Variants in NKAIN2 observed in about 807,000 individuals in gnomAD.
NKAIN2 encodes the protein sodium/potassium-transporting ATPase subunit beta-1-interacting protein 2.
Under a neutral mutation model 32.6 loss-of-function variants are expected in NKAIN2, and 14 were observed. The ratio of observed to expected loss-of-function variants is 0.43; its 90% CI spans 0.28 to 0.67. The LOEUF (loss-of-function observed/expected upper bound fraction) is 0.67. Among genes scored for constraint, NKAIN2 ranks in the 30% least tolerant of loss-of-function variants. The pLI, the probability that NKAIN2 is intolerant of heterozygous loss-of-function variation, is 0.17. For synonymous variants in NKAIN2, 80 were observed against 87.2 expected, an observed-to-expected ratio of 0.92 and a Z score of 0.46; for missense variants, 198 against 258.3, an observed-to-expected ratio of 0.77 and a Z score of 1.60.
chr6:124,310,479 CT>C, intron 2 of NKAIN2, among the ~76,000 whole-genome samples: 2 of 150,836 alleles, frequency 1.3e-5, no homozygotes, highest in African/African-American at 4.9e-5. Flanking sequence ...ATTTTTTTTT[CT>C]TTTTTTATGT....
At chr6:124,703,280 A>C (rs1008371855) in intron 4 of NKAIN2, among the ~76,000 whole-genome samples, 3 of 152,000 alleles carry the variant, frequency 2.0e-5, no homozygotes, top group African/African-American at 4.8e-5. Flanking sequence ...AAGGAAAAAA[A>C]AACAACAAAA....
intron 1 of NKAIN2, among the ~76,000 whole-genome samples, chr6:124,145,501 GTTTT>G (rs1347201856): frequency 1.3e-5 from 2 of 151,350 alleles, no homozygotes; most frequent in Non-Finnish European, 3.0e-5. Context: ...TTTTGTTTTT[GTTTT>G]TGTTTTTGTT....
intron 1 of NKAIN2, among the ~76,000 whole-genome samples, chr6:124,256,591 A>G (rs1793943140): frequency 6.6e-6 from 1 of 152,230 alleles, no homozygotes; most frequent in African/African-American, 2.4e-5. Flanking sequence ...GATTAAGAGT[A>G]GATAAGTCTT....
At chr6:124,279,510 CAAAAAA>C (rs10545991) in intron 1 of NKAIN2, among the ~76,000 whole-genome samples, 2 of 78,708 alleles carry the variant, frequency 2.5e-5, no homozygotes, top group Admixed American at 1.4e-4. Context: ...GATTCCATCT[CAAAAAA>C]AAAAAAAAAA....
intron 1 of NKAIN2, among the ~76,000 whole-genome samples, chr6:123,864,037 A>C (rs555067195): frequency 1.1e-4 from 17 of 152,286 alleles, no homozygotes; most frequent in African/African-American, 3.6e-4. Flanking sequence ...GACAGATACT[A>C]CTACTTCCTC....
In NKAIN2 at chr6:124,777,975, A is replaced by AC. The variant is rs55653018; in HGVS notation, c.475-13364_475-13363insC. ...CACACACACACACACACACACACAC[A>AC]AACACACACACATGTACACAGAGAT... On this transcript the variant is annotated intron_variant, in intron 4 of 6. Coordinates refer to ENST00000368417, the MANE Select transcript of NKAIN2 (RefSeq NM_001040214.3). Among the ~76,000 whole-genome samples, 102 of 151,482 alleles carry AC rather than the reference A, an allele frequency of 6.7e-4. 1 individual carries two copies. The highest frequency in any genetic ancestry group is 2.1e-3 in the African/African-American group (88 of 41,258).
chr6:124,635,519 C>T lies in NKAIN2; in HGVS notation c.274-22667C>T, dbSNP rs113028326. 6.7e-3 allele frequency among the ~76,000 whole-genome samples: 1,014 copies of T among 152,074 alleles called. 15 individuals are homozygous for T. The highest frequency in any genetic ancestry group is 0.023 in the African/African-American group (972 of 41,552). On this transcript the variant is annotated intron_variant, in intron 3 of 6. Transcript: ENST00000368417. ...CAGTTTAGGTTTCCCAATTAAGAGA[C>T]ATAGACAAGATTCAACTATCTGCTG... is the stretch of plus-strand genomic sequence containing the variant.
chr6:124,633,953 C>T (rs1415556593), intron 3 of NKAIN2, among the ~76,000 whole-genome samples: 1 of 151,968 alleles, frequency 6.6e-6, no homozygotes, highest in Admixed American at 6.6e-5. Flanking sequence ...CAAACAGCCA[C>T]AGCTTAGGCC....
chr6:124,260,822 A>T (rs1794217826), intron 1 of NKAIN2, among the ~76,000 whole-genome samples: 2 of 152,118 alleles, frequency 1.3e-5, no homozygotes, highest in South Asian at 4.1e-4. Context: ...TATAGTTGAG[A>T]CCCATTGAAT....
chr6:124,594,931 G>A (rs1043232406), intron 3 of NKAIN2, among the ~76,000 whole-genome samples: 4 of 152,118 alleles, frequency 2.6e-5, no homozygotes, highest in Non-Finnish European at 5.9e-5. Flanking sequence ...ATAGGAAAGT[G>A]TTTCTAAGGG....
At chr6:124,588,454 C>T (rs1781792312) in intron 3 of NKAIN2, among the ~76,000 whole-genome samples, 1 of 152,072 alleles carries the variant, frequency 6.6e-6, no homozygotes, top group African/African-American at 2.4e-5. Flanking sequence ...AATGATCATA[C>T]ACTTATTCAC....
intron 1 of NKAIN2, among the ~76,000 whole-genome samples, chr6:124,103,517 T>C (rs2114954336): frequency 6.6e-6 from 1 of 152,276 alleles, no homozygotes; most frequent in East Asian, 1.9e-4. Context: ...ATCTGGTGAG[T>C]GTGATTAGAG....
chr6:123,993,742 A>C (rs1779504374), intron 1 of NKAIN2, among the ~76,000 whole-genome samples: 1 of 152,196 alleles, frequency 6.6e-6, no homozygotes, highest in South Asian at 2.1e-4. Context: ...ATTTTTCCAA[A>C]GAACATCTTT....
intron 1 of NKAIN2, among the ~76,000 whole-genome samples, chr6:124,279,830 AT>A (rs1228477772): frequency 2.0e-5 from 3 of 152,182 alleles, no homozygotes; most frequent in East Asian, 1.9e-4. Flanking sequence ...AAGAAAAAAA[AT>A]AATGTGATTA....
intron 1 of NKAIN2, among the ~76,000 whole-genome samples, chr6:124,115,931 T>C (rs1445242251): frequency 6.6e-6 from 1 of 152,044 alleles, no homozygotes; most frequent in African/African-American, 2.4e-5. Flanking sequence ...CTATGTATCT[T>C]TCACATAATC....
chr6:124,627,357 A>AAAAC (rs1393795489), intron 3 of NKAIN2, among the ~76,000 whole-genome samples: 4 of 152,172 alleles, frequency 2.6e-5, no homozygotes, highest in African/African-American at 9.7e-5. Context: ...AAGAGGTGAT[A>AAAAC]AAACAAATCA....
At chr6:124,774,486 T>C (rs1211591349) in intron 4 of NKAIN2, among the ~76,000 whole-genome samples, 1 of 152,100 alleles carries the variant, frequency 6.6e-6, no homozygotes, top group Non-Finnish European at 1.5e-5. Flanking sequence ...ACATAGTAAG[T>C]TTGAAATGTC....
intron 1 of NKAIN2, among the ~76,000 whole-genome samples, chr6:124,011,406 T>TC (rs1780318441): frequency 6.6e-6 from 1 of 152,192 alleles, no homozygotes; most frequent in Non-Finnish European, 1.5e-5. Flanking sequence ...GTTCTTTTTT[T>TC]TTTTTTAGCC....
chr6:124,591,429 C>T (rs1241487768), intron 3 of NKAIN2, among the ~76,000 whole-genome samples: 3 of 152,048 alleles, frequency 2.0e-5, no homozygotes. Context: ...ACTGTGAGAG[C>T]CAAGCCTTCA....
Sources: gnomAD v4.1 joint callset for allele counts (sites outside exome capture counted in the v4.1 genomes callset) on GRCh38, gnomAD v4.1.1 for gene constraint, MANE v1.5 for transcripts, NCBI Gene and HGNC (gene_info 2026-07-23, HGNC 2026-07-21) for gene names.